ARPP21: variants seen among roughly 807,000 people sequenced by gnomAD.
ARPP21 encodes the protein cAMP regulated phosphoprotein 21.
A neutral mutation model predicts 113.2 loss-of-function variants in ARPP21; 69 were observed. That is an observed-to-expected ratio of 0.61 (90% CI 0.50 to 0.74). ARPP21 has a LOEUF of 0.74. Ranked by LOEUF, ARPP21 falls within the 30% of genes least tolerant of loss-of-function variation. ARPP21 has a pLI of 0.00. For synonymous variants in ARPP21, 368 were observed against 375.5 expected, an observed-to-expected ratio of 0.98 and a Z score of 0.23; for missense variants, 1,070 against 1,037.4, an observed-to-expected ratio of 1.03 and a Z score of -0.43.
At chr3:35,662,522 G>A (rs1315639976) in intron 1 of ARPP21, among the ~76,000 whole-genome samples, 2 of 152,142 alleles carry the variant, frequency 1.3e-5, no homozygotes, top group East Asian at 3.9e-4. Flanking sequence ...GAGCAGGACT[G>A]GGCAGAGAGA....
At chr3:35,668,021 A>AGAAGGAGAAGGAGAAGGAGAAGG (rs1559550492) in intron 1 of ARPP21, among the ~76,000 whole-genome samples, 1 of 134,812 alleles carries the variant, frequency 7.4e-6, no homozygotes, top group African/African-American at 2.7e-5. Context: ...GAAGAAGAAG[A>AGAAGGAGAAGGAGAAGGAGAAGG]AGAAGAAGAA....
chr3:35,675,642 G>A (rs10490873), intron 1 of ARPP21, among the ~76,000 whole-genome samples: 16,788 of 151,892 alleles, frequency 0.11, 971 homozygotes, highest in Non-Finnish European at 0.13. Context: ...GTTACCCTTT[G>A]TTGGTGAAAG....
chr3:35,780,129 T>G (rs2096487908), intron 19 of ARPP21, among the ~76,000 whole-genome samples: 1 of 152,230 alleles, frequency 6.6e-6, no homozygotes, highest in East Asian at 1.9e-4. Context: ...CTTCAAGTTT[T>G]TATTTGCTAG....
intron 19 of ARPP21, among the ~76,000 whole-genome samples, chr3:35,744,744 C>T (rs553319552): frequency 7.2e-5 from 11 of 152,270 alleles, no homozygotes; most frequent in African/African-American, 2.4e-4. Context: ...GTAAAGAGCA[C>T]GTGCTCCTTG....
intron 1 of ARPP21, among the ~76,000 whole-genome samples, chr3:35,667,963 GAAGAAGA>G (rs1424986132): frequency 1.7e-4 from 14 of 84,298 alleles, no homozygotes; most frequent in Non-Finnish European, 3.2e-4. Context: ...AGAAGAAGAA[GAAGAAGA>G]AGAAGAAGAA....
At chr3:35,670,271 T>C (rs188728838) in intron 1 of ARPP21, among the ~76,000 whole-genome samples, 34 of 152,224 alleles carry the variant, frequency 2.2e-4, no homozygotes, top group Middle Eastern at 6.8e-3. Context: ...GAACACCCAA[T>C]TAGGAGAGTC....
chr3:35,748,234 G>A (rs2095249116), intron 19 of ARPP21, among the ~76,000 whole-genome samples: 1 of 137,260 alleles, frequency 7.3e-6, no homozygotes, highest in Non-Finnish European at 1.5e-5. Flanking sequence ...AGGAAGGAAG[G>A]AAGGAAAAGA....
chr3:35,664,235 T>C (rs1339785006), intron 1 of ARPP21, among the ~76,000 whole-genome samples: 5 of 152,214 alleles, frequency 3.3e-5, no homozygotes, highest in Admixed American at 6.5e-5. Flanking sequence ...ATTCATTGTG[T>C]AATGATCGAA....
At chr3:35,654,916 A>T (rs1704098677) in intron 1 of ARPP21, among the ~76,000 whole-genome samples, 1 of 152,074 alleles carries the variant, frequency 6.6e-6, no homozygotes, top group African/African-American at 2.4e-5. Flanking sequence ...TTAAATATTA[A>T]ATCTTATTTT....
intron 18 of ARPP21, among the ~76,000 whole-genome samples, chr3:35,743,604 C>G (rs564838428): frequency 6.6e-6 from 1 of 152,328 alleles, no homozygotes; most frequent in South Asian, 2.1e-4. Context: ...GACATCATTT[C>G]TGCCTCATGG....
At chr3:35,681,101 C>A (rs1272500775) in intron 2 of ARPP21, 1 of 151,784 alleles carries the variant, frequency 6.6e-6, no homozygotes, top group African/African-American at 2.4e-5. Flanking sequence ...AGCTCGGGAG[C>A]TTGGGAGAGG....
chr3:35,721,533 C>T, intron 13 of ARPP21, 72 bp from the exon 14 acceptor site: 2 of 869,100 alleles, frequency 2.3e-6, no homozygotes. Flanking sequence ...AAAAGCCTTG[C>T]TCTGTGCCTA....
chr3:35,673,945 A>G (rs1168294420), intron 1 of ARPP21, among the ~76,000 whole-genome samples: 1 of 151,924 alleles, frequency 6.6e-6, no homozygotes. Flanking sequence ...GTTGAATTGT[A>G]TGTTTTTGAA....
intron 19 of ARPP21, among the ~76,000 whole-genome samples, chr3:35,766,672 A>G (rs1377320601): frequency 6.6e-6 from 1 of 152,154 alleles, no homozygotes; most frequent in Non-Finnish European, 1.5e-5. Context: ...TGCTTCAATA[A>G]ATCACAGCTG....
At chr3:35,682,977 C>T in intron 4 of ARPP21, 88 bp downstream of exon 4, 1 of 1,281,470 alleles carries the variant, frequency 7.8e-7, no homozygotes, top group Non-Finnish European at 1.1e-6. Context: ...GCCAGCATTT[C>T]AGATGATTGT....
At position 35,771,333 on chromosome 3, in the gene ARPP21, GT is replaced by G. The variant is rs764714075; in HGVS notation, c.2138-21036del. Among the ~76,000 whole-genome samples, 130 of 142,968 alleles carry G rather than the reference GT, an allele frequency of 9.1e-4. 1 individual carries two copies. Among genetic ancestry groups the G allele is most frequent in the Middle Eastern group, 7.2e-3 (2 of 276 alleles). 93.8% of individuals were successfully genotyped at this position (142,968 alleles called of 152,430 possible). A position where few individuals can be genotyped will look rare whatever the true frequency, so the allele number is the denominator to read the frequency against. On this transcript the variant is annotated intron_variant, in intron 19 of 20. Transcript: ENST00000684406. Reference sequence around the variant, plus strand: ...CACATAACATCAGAAGGTAATGATTGTTTTTTTTTTTTTAAGATGCAGTCTC... The same window carrying G: ...CACATAACATCAGAAGGTAATGATTGTTTTTTTTTTTTAAGATGCAGTCTC...
rs2094857344 is a variant in ARPP21, at chr3:35,744,112, C to T, written c.2137+147C>T. ...AAGATAACAAAGCATTTGATTGACTCTGTGTGGAAAAGTAGTAGGTACAAG... is the reference window on the plus strand; with the variant it reads ...AAGATAACAAAGCATTTGATTGACTTTGTGTGGAAAAGTAGTAGGTACAAG... On this transcript the variant is annotated intron_variant, in intron 19 of 20. Transcript: ENST00000684406. The T allele has an allele frequency of 3.6e-6, 3 of 840,380 alleles. No homozygotes were observed. In the African/African-American group the frequency reaches 5.1e-5, roughly 14 times the overall value. The allele number at this position is 840,380 out of a possible 1,614,324, so 52.1% of individuals were successfully genotyped here. A position where few individuals can be genotyped will look rare whatever the true frequency, so the allele number is the denominator to read the frequency against.
At chr3:35,781,966 G>C (rs769014617) in intron 19 of ARPP21, among the ~76,000 whole-genome samples, 1 of 152,084 alleles carries the variant, frequency 6.6e-6, no homozygotes, top group Non-Finnish European at 1.5e-5. Flanking sequence ...CTAATCAATT[G>C]CTGTTGAGCT....
intron 15 of ARPP21, among the ~76,000 whole-genome samples, 157 bp from the exon 16 acceptor site, chr3:35,737,021 A>C (rs2094397347): frequency 6.6e-6 from 1 of 152,206 alleles, no homozygotes; most frequent in Non-Finnish European, 1.5e-5. Flanking sequence ...GGTCACAAAC[A>C]GTAAGGTCTT....
Sources: allele counts gnomAD v4.1 joint callset (sites outside exome capture counted in the v4.1 genomes callset), GRCh38; gene constraint gnomAD v4.1.1; transcripts MANE v1.5; gene names NCBI Gene and HGNC (gene_info 2026-07-23, HGNC 2026-07-21).